The following TMEM51 variants were observed in gnomAD, a reference collection of about 807,000 sequenced individuals.
TMEM51 encodes chromosome 1 open reading frame 72.
In TMEM51, 8 loss-of-function variants were observed where a neutral mutation model predicts 13.6. That is an observed-to-expected ratio of 0.59 (90% CI 0.35 to 1.07). The LOEUF is 1.07. TMEM51 is among the 50% of genes least tolerant of loss of function. The pLI is 0.02. For missense variants in TMEM51, 279 were observed against 330.7 expected (o/e 0.84, Z 1.21); for synonymous variants, 147 against 144.4 (o/e 1.02, Z -0.13).
intron 1 of TMEM51, among the ~76,000 whole-genome samples, chr1:15,163,340 C>T (rs200716180): frequency 1.3e-5 from 2 of 152,028 alleles, no homozygotes; most frequent in South Asian, 4.1e-4. Context: ...CTTTAACTTT[C>T]AACACTATAA....
intron 2 of TMEM51, among the ~76,000 whole-genome samples, chr1:15,212,714 C>T (rs543890194): frequency 3.3e-5 from 5 of 152,334 alleles, no homozygotes; most frequent in South Asian, 2.1e-4. Context: ...TCCTTGTGTA[C>T]GGTCCCATCT....
Position 15,220,076 on chromosome 1 carries a change from C to A in TMEM51, c.*333C>A, listed in dbSNP as rs549118611. 1.7e-5 allele frequency: 5 copies of A among 302,742 alleles called. No homozygotes were observed. In the South Asian group the frequency reaches 2.8e-4, roughly 17 times the overall value. 18.8% of individuals were successfully genotyped at this position (302,742 alleles called of 1,614,324 possible). ...TTTCCAGCTAGGAAAGGGTTCCTCG[C>A]GGCTGGTTTAGATTGTGGTTGTTTG... On this transcript the variant is annotated 3_prime_UTR_variant, in exon 4 of 4. Transcript: ENST00000376008.
chr1:15,170,463 C>G (rs993819789), intron 1 of TMEM51, among the ~76,000 whole-genome samples: 17 of 151,658 alleles, frequency 1.1e-4, no homozygotes, highest in African/African-American at 3.9e-4. Context: ...TGCGCACCAC[C>G]ACGCCCGGCT....
At chr1:15,170,724 A>T (rs1643233010) in intron 1 of TMEM51, among the ~76,000 whole-genome samples, 1 of 152,024 alleles carries the variant, frequency 6.6e-6, no homozygotes, top group Non-Finnish European at 1.5e-5. Context: ...CCAAACAGAA[A>T]TGGAGGCAGG....
upstream of TMEM51, among the ~76,000 whole-genome samples, chr1:15,153,409 G>A (rs563882708): frequency 3.0e-4 from 45 of 148,040 alleles, no homozygotes; most frequent in South Asian, 8.3e-4. Flanking sequence ...GCGCGTGCGC[G>A]CACACACGCA....
intron 2 of TMEM51, among the ~76,000 whole-genome samples, chr1:15,212,019 G>A (rs10927722): frequency 0.31 from 46,547 of 151,834 alleles, 7,518 homozygotes; most frequent in Non-Finnish European, 0.37. Flanking sequence ...TACATTAGCT[G>A]CTTTGAGACC....
chr1:15,201,796 A>G (rs1282199169), intron 1 of TMEM51, among the ~76,000 whole-genome samples: 1 of 152,200 alleles, frequency 6.6e-6, no homozygotes, highest in Non-Finnish European at 1.5e-5. Context: ...TGGCTAAAAA[A>G]GAAAATGTCC....
intron 1 of TMEM51, among the ~76,000 whole-genome samples, chr1:15,184,103 G>T (rs908748307): frequency 7.9e-6 from 1 of 126,728 alleles, no homozygotes; most frequent in Non-Finnish European, 1.7e-5. Flanking sequence ...GCAGTGGCAC[G>T]ATCTCAGTTC....
At chr1:15,183,250 A>G (rs1177068747) in intron 1 of TMEM51, among the ~76,000 whole-genome samples, 1 of 152,228 alleles carries the variant, frequency 6.6e-6, no homozygotes, top group Non-Finnish European at 1.5e-5. Flanking sequence ...AGAATTCTTT[A>G]TTTTATAGAA....
intron 1 of TMEM51, among the ~76,000 whole-genome samples, chr1:15,178,862 G>A (rs1456958284): frequency 6.6e-6 from 1 of 152,240 alleles, no homozygotes. Flanking sequence ...TGTTCAATGG[G>A]CATGAAACCT....
intron 1 of TMEM51, among the ~76,000 whole-genome samples, chr1:15,159,386 C>T (rs1642694984): frequency 1.3e-5 from 2 of 152,270 alleles, no homozygotes; most frequent in African/African-American, 2.4e-5. Flanking sequence ...CAGCCTGTGA[C>T]CCCCATAGGC....
intron 1 of TMEM51, among the ~76,000 whole-genome samples, chr1:15,173,814 C>T (rs1229112150): frequency 6.6e-6 from 1 of 152,110 alleles, no homozygotes; most frequent in Non-Finnish European, 1.5e-5. Flanking sequence ...CTATGAATTT[C>T]TTTTTGTGTC....
At chr1:15,184,209 T>C (rs1267002384) in intron 1 of TMEM51, among the ~76,000 whole-genome samples, 1 of 152,226 alleles carries the variant, frequency 6.6e-6, no homozygotes, top group Admixed American at 6.5e-5. Flanking sequence ...GTATTTTTAG[T>C]AGAGACGGGG....
chr1:15,196,298 T>C (rs1644045989), intron 1 of TMEM51, among the ~76,000 whole-genome samples: 1 of 152,128 alleles, frequency 6.6e-6, no homozygotes, highest in South Asian at 2.1e-4. Context: ...TTCAGTGACA[T>C]CGTGTCAGTA....
chr1:15,155,856 C>T (rs186469199), intron 1 of TMEM51, among the ~76,000 whole-genome samples: 38 of 152,318 alleles, frequency 2.5e-4, no homozygotes, highest in African/African-American at 6.0e-4. Context: ...TGGAGAAAGA[C>T]GTCCCTTTCA....
At chr1:15,212,313 CA>C (rs1216959172) in intron 2 of TMEM51, among the ~76,000 whole-genome samples, 2 of 152,160 alleles carry the variant, frequency 1.3e-5, no homozygotes, top group Non-Finnish European at 2.9e-5. Flanking sequence ...GTTTATCAGA[CA>C]AAAAGAATGT....
chr1:15,165,293 G>A (rs1396560168), intron 1 of TMEM51, among the ~76,000 whole-genome samples: 3 of 152,018 alleles, frequency 2.0e-5, no homozygotes, highest in Non-Finnish European at 2.9e-5. Flanking sequence ...TCCAGTCTGG[G>A]TGACCCTGTC....
intron 3 of TMEM51, among the ~76,000 whole-genome samples, chr1:15,218,802 T>C (rs554735831): frequency 3.3e-5 from 5 of 152,256 alleles, no homozygotes; most frequent in African/African-American, 9.6e-5. Flanking sequence ...ACCCAGAAGT[T>C]ACCTTTCCTA....
chr1:15,202,325 A>G (rs762771090), intron 1 of TMEM51, among the ~76,000 whole-genome samples: 9 of 152,250 alleles, frequency 5.9e-5, no homozygotes, highest in Non-Finnish European at 8.8e-5. Flanking sequence ...GGCAGGCACC[A>G]TACACAGGTG....
Sources: gnomAD v4.1 joint callset for allele counts (sites outside exome capture counted in the v4.1 genomes callset) on GRCh38, gnomAD v4.1.1 for gene constraint, MANE v1.5 for transcripts, NCBI Gene and HGNC (gene_info 2026-07-23, HGNC 2026-07-21) for gene names.